The following SLC25A21 variants were observed in gnomAD, a reference collection of about 807,000 sequenced individuals.
SLC25A21 encodes solute carrier family 25 member 21, also known as mitochondrial 2-oxodicarboxylate carrier.
In SLC25A21, 47 loss-of-function variants were observed where a neutral mutation model predicts 43.8. The observed-to-expected ratio is 1.07, with a 90% CI of 0.85 to 1.37. The LOEUF (loss-of-function observed/expected upper bound fraction) is 1.37. Ranked by LOEUF, SLC25A21 falls within the 40% of genes most tolerant of loss-of-function variation. The probability of loss-of-function intolerance (pLI) is 0.00; values close to 1 mark genes in which losing one functional copy is unlikely to be tolerated. For synonymous variants in SLC25A21, 131 were observed against 121.3 expected, an observed-to-expected ratio of 1.08 and a Z score of -0.52; for missense variants, 352 against 350.2, an observed-to-expected ratio of 1.00 and a Z score of -0.04.
At chr14:36,956,409 T>C (rs1959342776) in intron 1 of SLC25A21, among the ~76,000 whole-genome samples, 1 of 152,228 alleles carries the variant, frequency 6.6e-6, no homozygotes, top group Admixed American at 6.5e-5. Flanking sequence ...TATAGAGTTT[T>C]ATTTGGAACT....
At chr14:36,764,074 A>G (rs1484692664) in intron 3 of SLC25A21, among the ~76,000 whole-genome samples, 19 of 52,286 alleles carry the variant, frequency 3.6e-4, no homozygotes, top group South Asian at 8.6e-4. Flanking sequence ...GAAAGAAAGA[A>G]AGAAAGAAGG....
intron 7 of SLC25A21, among the ~76,000 whole-genome samples, chr14:36,695,385 G>T (rs1882971951): frequency 6.6e-6 from 1 of 152,154 alleles, no homozygotes; most frequent in Non-Finnish European, 1.5e-5. Context: ...GATTGTCTTG[G>T]CAATGCAGGC....
At chr14:36,934,313 G>A (rs980705811) in intron 1 of SLC25A21, among the ~76,000 whole-genome samples, 2 of 151,904 alleles carry the variant, frequency 1.3e-5, no homozygotes, top group Non-Finnish European at 2.9e-5. Flanking sequence ...AAAAATCTTA[G>A]GAAGGAGAAT....
intron 1 of SLC25A21, among the ~76,000 whole-genome samples, chr14:36,882,024 G>T (rs1251923647): frequency 6.6e-6 from 1 of 152,184 alleles, no homozygotes; most frequent in Non-Finnish European, 1.5e-5. Context: ...TCAGTTGACT[G>T]CTCCTTTCTC....
intron 3 of SLC25A21, among the ~76,000 whole-genome samples, chr14:36,801,521 G>A (rs1460783457): frequency 6.6e-6 from 1 of 152,190 alleles, no homozygotes; most frequent in Non-Finnish European, 1.5e-5. Context: ...ACTTCTCTAC[G>A]CTTCCTTCCC....
intron 2 of SLC25A21, among the ~76,000 whole-genome samples, chr14:36,854,456 T>C (rs1328335547): frequency 2.6e-5 from 4 of 152,206 alleles, no homozygotes; most frequent in Admixed American, 6.5e-5. Context: ...TCTGGCTCTC[T>C]CCTTTCTCAT....
intron 1 of SLC25A21, among the ~76,000 whole-genome samples, chr14:37,106,805 C>T (rs915716204): frequency 6.6e-6 from 1 of 152,134 alleles, no homozygotes; most frequent in Non-Finnish European, 1.5e-5. Flanking sequence ...ACAGTCCTAC[C>T]GATATGTGAT....
In SLC25A21 at chr14:36,714,164, TA is replaced by T. The variant is rs377734448; in HGVS notation, c.439-2683del. On this transcript the variant is annotated intron_variant, in intron 6 of 9. Transcript: ENST00000331299. ...ATAATGGCAATTATGCTGACAATCA[TA>T]AAAATAGTTATAACAATAAAATGAC... 3.2e-3 allele frequency among the ~76,000 whole-genome samples: 494 copies of T among 152,328 alleles called. 3 individuals carry two copies. The highest frequency in any genetic ancestry group is 0.011 in the African/African-American group (466 of 41,580).
chr14:36,725,190 AT>A (rs1210729488), intron 6 of SLC25A21: 2 of 152,758 alleles, frequency 1.3e-5, no homozygotes, highest in African/African-American at 4.8e-5. Context: ...ATAAGTTTTT[AT>A]GGCTGGGCGT....
At chr14:36,801,544 G>C (rs1887869345) in intron 3 of SLC25A21, among the ~76,000 whole-genome samples, 1 of 152,142 alleles carries the variant, frequency 6.6e-6, no homozygotes, top group African/African-American at 2.4e-5. Flanking sequence ...AGGTCTTGTA[G>C]CCTCTCATCA....
chr14:37,024,175 G>A (rs567257029), intron 1 of SLC25A21, among the ~76,000 whole-genome samples: 1 of 152,140 alleles, frequency 6.6e-6, no homozygotes, highest in African/African-American at 2.4e-5. Context: ...GCAATGCGTA[G>A]CTTTCCTAAT....
At chr14:36,895,113 T>C (rs541051996) in intron 1 of SLC25A21, among the ~76,000 whole-genome samples, 266 of 152,378 alleles carry the variant, frequency 1.7e-3, no homozygotes, top group African/African-American at 6.1e-3. Flanking sequence ...TCAGAAGGAA[T>C]GGTATCAGCT....
intron 1 of SLC25A21, among the ~76,000 whole-genome samples, chr14:36,928,179 T>C (rs1035139650): frequency 4.6e-5 from 7 of 152,162 alleles, no homozygotes; most frequent in African/African-American, 1.7e-4. Flanking sequence ...ATCAAGTTGA[T>C]ATCATTATCT....
chr14:37,118,278 CCAA>C (rs1361724853), intron 1 of SLC25A21, among the ~76,000 whole-genome samples: 2 of 151,544 alleles, frequency 1.3e-5, no homozygotes, highest in Non-Finnish European at 2.9e-5. Context: ...CCCAGATCCA[CCAA>C]CAAGTCCTGT....
chr14:36,779,202 AATATTACAT>A (rs1458638433), intron 3 of SLC25A21, among the ~76,000 whole-genome samples: 4 of 146,906 alleles, frequency 2.7e-5, no homozygotes, highest in Admixed American at 6.9e-5. Flanking sequence ...ATATATATAT[AATATTACAT>A]ATATTACATA....
intron 2 of SLC25A21, 76 bp downstream of exon 2, chr14:36,874,880 T>C (rs1890473680): frequency 8.0e-7 from 1 of 1,251,256 alleles, no homozygotes; most frequent in Non-Finnish European, 1.1e-6. Flanking sequence ...GGACAAGTCC[T>C]AGCATTTAGT....
At chr14:36,770,058 A>G (rs996053423) in intron 3 of SLC25A21, among the ~76,000 whole-genome samples, 5 of 152,170 alleles carry the variant, frequency 3.3e-5, no homozygotes, top group Non-Finnish European at 5.9e-5. Flanking sequence ...GTCTAGACCA[A>G]GCTTGGAACA....
intron 1 of SLC25A21, among the ~76,000 whole-genome samples, chr14:36,997,031 T>A (rs2138719825): frequency 6.6e-6 from 1 of 150,552 alleles, no homozygotes; most frequent in East Asian, 2.0e-4. Flanking sequence ...GGTGGGAGAG[T>A]CGGCTGTGCC....
intron 6 of SLC25A21, among the ~76,000 whole-genome samples, chr14:36,721,438 T>C (rs1323267696): frequency 6.6e-6 from 1 of 152,196 alleles, no homozygotes; most frequent in African/African-American, 2.4e-5. Context: ...CACAGATGCC[T>C]TGCTGTAAGG....
Sources: gnomAD v4.1 joint callset for allele counts (sites outside exome capture counted in the v4.1 genomes callset) on GRCh38, gnomAD v4.1.1 for gene constraint, MANE v1.5 for transcripts, NCBI Gene and HGNC (gene_info 2026-07-23, HGNC 2026-07-21) for gene names.